Variants in GARNL3 observed in about 807,000 individuals in gnomAD.
GARNL3 encodes GTPase activating Rap/RanGAP domain like 3, also known as GTPase-activating Rap/Ran-GAP domain-like protein 3.
GARNL3 carries 63 observed loss-of-function variants against 125.0 expected under a neutral mutation model. That is an observed-to-expected ratio of 0.50 (90% confidence interval 0.41 to 0.62). The LOEUF (loss-of-function observed/expected upper bound fraction) is 0.62. Among genes scored for constraint, GARNL3 ranks in the 20% least tolerant of loss-of-function variants. The probability of loss-of-function intolerance (pLI) is 0.00; values close to 1 mark genes in which losing one functional copy is unlikely to be tolerated. For missense variants in GARNL3, 994 were observed against 1,244.0 expected, an observed-to-expected ratio of 0.80 and a Z score of 3.02; for synonymous variants, 439 against 457.5, an observed-to-expected ratio of 0.96 and a Z score of 0.52.
chr9:127,283,450 C>CGAG (rs2064154724), intron 1 of GARNL3, among the ~76,000 whole-genome samples: 1 of 152,124 alleles, frequency 6.6e-6, no homozygotes, highest in South Asian at 2.1e-4. Flanking sequence ...GCAGGAGGAT[C>CGAG]ACTTGAGACT....
intron 9 of GARNL3, 87 bp from the exon 10 acceptor site, chr9:127,335,143 A>G (rs1449056954): frequency 1.1e-6 from 1 of 894,146 alleles, no homozygotes; most frequent in Non-Finnish European, 1.9e-6. Flanking sequence ...TGTCCTGTAT[A>G]CAGTATTTCC....
chr9:127,240,144 A>G (rs531855361), intron 1 of GARNL3, among the ~76,000 whole-genome samples: 1 of 152,360 alleles, frequency 6.6e-6, no homozygotes, highest in South Asian at 2.1e-4. Flanking sequence ...TATATATTGC[A>G]TAAAGGTTTG....
intron 21 of GARNL3, chr9:127,363,209 A>T (rs1282134445): frequency 6.6e-6 from 1 of 152,204 alleles, no homozygotes; most frequent in East Asian, 1.9e-4. Flanking sequence ...AGCCATGGGG[A>T]TTATTTTGGA....
In GARNL3 at chr9:127,311,743, T is replaced by C. The variant is rs375505893; in HGVS notation, c.319+8T>C. 3 of 1,566,878 alleles carry C rather than the reference T, an allele frequency of 1.9e-6. No homozygotes were observed. The highest frequency in any genetic ancestry group is 2.2e-5 in the East Asian group (1 of 44,652). ...AATATTTTTTAGGACAAGGTAATTA[T>C]GCTATTGTGGTGGTAGGGAAGAAAG... is the stretch of plus-strand genomic sequence containing the variant. On this transcript the variant is annotated splice_region_variant and intron_variant, in intron 3 of 27. Transcript: ENST00000373387.
chr9:127,393,205 C>T lies in GARNL3; in HGVS notation c.2993C>T (p.Pro998Leu), dbSNP rs755225091. Reference sequence around the variant, plus strand: ...GGCAGCCCGGTCTCCGGCAGCAGCCCCTTCCAGCTCACGGCTTTCTCCGAT... The same window carrying T: ...GGCAGCCCGGTCTCCGGCAGCAGCCTCTTCCAGCTCACGGCTTTCTCCGAT... ...REGSPVSGSS[P>L]FQLTAFSDED... is the part of the protein sequence containing the mutation. Residue 998 changes from proline (P) to leucine (L), a missense_variant, in exon 28 of 28, where the codon CCC becomes CTC. By Grantham distance (98) the Pro-to-Leu change is moderately conservative. Around this residue, in one of 5 missense-constraint regions of GARNL3, gnomAD observed 728 missense variants for 865.7 expected, o/e 0.84. Transcript: ENST00000373387. 1.2e-6 allele frequency: 2 copies of T among 1,613,508 alleles called. No homozygotes were observed. Among genetic ancestry groups the T allele is most frequent in the African/African-American group, 2.7e-5 (2 of 74,934 alleles).
At chr9:127,313,597 A>G in intron 4 of GARNL3, 38 bp downstream of exon 4, 1 of 1,346,992 alleles carries the variant, frequency 7.4e-7, no homozygotes, top group Non-Finnish European at 1.1e-6. Context: ...AAATTTATGC[A>G]TCAGTTTCAG....
At chr9:127,386,436 G>A (rs1437686217) in intron 24 of GARNL3, among the ~76,000 whole-genome samples, 2 of 152,184 alleles carry the variant, frequency 1.3e-5, no homozygotes, top group Non-Finnish European at 2.9e-5. Flanking sequence ...AAGAGTCCCT[G>A]CATGATTGAT....
intron 1 of GARNL3, among the ~76,000 whole-genome samples, chr9:127,226,368 A>G (rs1409150653): frequency 6.6e-6 from 1 of 152,224 alleles, no homozygotes; most frequent in African/African-American, 2.4e-5. Flanking sequence ...AGTTCTTGGC[A>G]TTCCCTGCCT....
At position 127,266,846 on chromosome 9, in the gene GARNL3, G is replaced by A. The variant is rs1329363557; in HGVS notation, c.144+1825G>A. Among the ~76,000 whole-genome samples the A allele has an allele frequency of 6.6e-6, 1 of 152,206 alleles. No individual in the cohort carries two copies. The highest frequency in any genetic ancestry group is 1.5e-5 in the Non-Finnish European group (1 of 68,030). ...AACAGTGACAACATTACTTGGGGGA[G>A]ATAACATGGGTGTGAAAGATGGACT... On this transcript the variant is annotated intron_variant, in intron 1 of 27. Coordinates refer to ENST00000373387, the MANE Select transcript of GARNL3 (RefSeq NM_032293.5). This position sits in a 1 kb window ranked among gnomAD's most constrained non-coding sequence, Gnocchi z 4.0.
In GARNL3 at chr9:127,364,916, TC is replaced by T. The variant is rs1831201772; in HGVS notation, c.2095-383del. ...GTAAAATGATAATTATACCATAATGTCAATAATATTAGGTTGATGCAAAAGT... is the reference window on the plus strand; with the variant it reads ...GTAAAATGATAATTATACCATAATGTAATAATATTAGGTTGATGCAAAAGT... On this transcript the variant is annotated intron_variant, in intron 21 of 27. Transcript: ENST00000373387. The surrounding 1 kb of genome is among the most constrained non-coding windows in gnomAD (Gnocchi z 4.2). 1 of 194,558 alleles carries T rather than the reference TC, an allele frequency of 5.1e-6. No homozygotes were observed. Among genetic ancestry groups the T allele is most frequent in the Non-Finnish European group, 1.0e-5 (1 of 95,634 alleles). 12.1% of individuals were successfully genotyped at this position (194,558 alleles called of 1,614,324 possible).
At chr9:127,370,291 C>G (rs966926346) in intron 22 of GARNL3, among the ~76,000 whole-genome samples, 1 of 152,154 alleles carries the variant, frequency 6.6e-6, no homozygotes, top group African/African-American at 2.4e-5. Context: ...GAAGCTCTGG[C>G]TTTCTACACC....
At chr9:127,231,052 T>TATATATATATA (rs1271085624) in intron 1 of GARNL3, among the ~76,000 whole-genome samples, 3 of 72,672 alleles carry the variant, frequency 4.1e-5, no homozygotes, top group East Asian at 8.4e-4. Context: ...ATATATATAT[T>TATATATATATA]TTTTTTTTTT....
At chr9:127,226,346 C>T (rs2062913550) in intron 1 of GARNL3, among the ~76,000 whole-genome samples, 3 of 152,240 alleles carry the variant, frequency 2.0e-5, no homozygotes. Context: ...TTGGCCTTTT[C>T]CCTCCATCCT....
At chr9:127,264,460 G>A, upstream of GARNL3, 3 of 964,944 alleles carry the variant, frequency 3.1e-6, no homozygotes, top group South Asian at 4.8e-5. Context: ...AGCCTACCAC[G>A]ATTGTGAAGT....
At position 127,269,009 on chromosome 9, in the gene GARNL3, C is replaced by T. The variant is rs572386117; in HGVS notation, c.144+3988C>T. Among the ~76,000 whole-genome samples, 6 of 152,058 alleles carry T rather than the reference C, an allele frequency of 3.9e-5. No homozygotes were observed. In the East Asian group the frequency reaches 1.2e-3, roughly 29 times the overall value. ...CCATTTATCTGTTTTGTTTGTTTGT[C>T]TGTTTGTGAGGCAGGATCTCACCTT... On this transcript the variant is annotated intron_variant, in intron 1 of 27. Coordinates refer to ENST00000373387, the MANE Select transcript of GARNL3 (RefSeq NM_032293.5).
chr9:127,369,685 T>G (rs932851910), intron 22 of GARNL3, among the ~76,000 whole-genome samples: 3 of 152,146 alleles, frequency 2.0e-5, no homozygotes, highest in African/African-American at 4.8e-5. Context: ...ACAGGGGTTG[T>G]GAGGCGGTGG....
intron 1 of GARNL3, among the ~76,000 whole-genome samples, chr9:127,235,187 C>T (rs886192337): frequency 2.0e-5 from 3 of 150,944 alleles, no homozygotes; most frequent in Non-Finnish European, 2.9e-5. Context: ...CCTTTTTTCC[C>T]ATACTGTCTT....
intron 15 of GARNL3, 22 bp from the exon 16 acceptor site, chr9:127,345,381 A>C: frequency 1.3e-6 from 2 of 1,530,482 alleles, no homozygotes; most frequent in Non-Finnish European, 1.8e-6. Context: ...GTAAACTTTA[A>C]TAGAGATCTC....
At chr9:127,353,980 A>C in intron 18 of GARNL3, 36 bp downstream of exon 18, 1 of 1,412,256 alleles carries the variant, frequency 7.1e-7, no homozygotes, top group Non-Finnish European at 1.0e-6. Context: ...CTGTGGAGGA[A>C]GGAAAACAGT....
Sources: gnomAD v4.1 joint callset for allele counts (sites outside exome capture counted in the v4.1 genomes callset) on GRCh38, gnomAD v4.1.1 for gene constraint, gnomAD v4.1.1 regional missense constraint, Gnocchi (gnomAD v3.1) non-coding constraint, MANE v1.5 for transcripts, NCBI Gene and HGNC (gene_info 2026-07-23, HGNC 2026-07-21) for gene names.